Variants in MICAL3 observed in about 807,000 individuals in gnomAD.
MICAL3 encodes microtubule associated monooxygenase, calponin and LIM domain containing 3.
In MICAL3, 62 loss-of-function variants were observed where a neutral mutation model predicts 207.4. The ratio of observed to expected loss-of-function variants is 0.30; its 90% CI spans 0.24 to 0.37. The LOEUF (loss-of-function observed/expected upper bound fraction) is 0.37. Ranked by LOEUF, MICAL3 falls within the 10% of genes least tolerant of loss-of-function variation. MICAL3 has a pLI of 1.00. For missense variants in MICAL3, 2,368 were observed against 2,635.6 expected, an observed-to-expected ratio of 0.90 and a Z score of 2.22; for synonymous variants, 1,077 against 1,069.3, an observed-to-expected ratio of 1.01 and a Z score of -0.14.
intron 29 of MICAL3, among the ~76,000 whole-genome samples, chr22:17,804,034 A>G (rs1459462358): frequency 6.6e-6 from 1 of 152,220 alleles, no homozygotes; most frequent in Non-Finnish European, 1.5e-5. Flanking sequence ...AGTGCATCAC[A>G]TACTGCATGT....
chr22:17,790,435 C>T lies in MICAL3; in HGVS notation c.*297G>A. ...GTGGAAAAAAGGGGCACAGCCAGCA[C>T]ATCCTCAGGGAGCGCGCGGGGTGGT... On this transcript the variant is annotated 3_prime_UTR_variant, in exon 32 of 32. Coordinates refer to ENST00000441493, the MANE Select transcript of MICAL3 (RefSeq NM_015241.3). 2.6e-6 allele frequency: 1 copy of T among 385,252 alleles called. No homozygotes were observed. The highest frequency in any genetic ancestry group is 4.7e-6 in the Non-Finnish European group (1 of 212,370). 23.9% of individuals were successfully genotyped at this position (385,252 alleles called of 1,614,324 possible).
chr22:17,799,153 C>G (rs899893822), intron 29 of MICAL3, among the ~76,000 whole-genome samples: 1 of 152,128 alleles, frequency 6.6e-6, no homozygotes, highest in Admixed American at 6.5e-5. Context: ...GATGCCGAGA[C>G]AGGTGGATCA....
In MICAL3 at chr22:17,793,246, A is replaced by G. The variant is rs2061843344; in HGVS notation, c.5651-1945T>C. Among the ~76,000 whole-genome samples the G allele has an allele frequency of 6.6e-6, 1 of 152,150 alleles. No individual in the cohort carries two copies. The highest frequency in any genetic ancestry group is 1.5e-5 in the Non-Finnish European group (1 of 68,034). ...ATCACCACAACAGACTTCAAATCAG[A>G]CAAACTTAAAACACGCACACTCAGC... On this transcript the variant is annotated intron_variant, in intron 29 of 31. Coordinates refer to ENST00000441493, the MANE Select transcript of MICAL3 (RefSeq NM_015241.3). The surrounding 1 kb of genome is among the most constrained non-coding windows in gnomAD (Gnocchi z 4.1).
At chr22:18,011,480 G>A (rs1268127750) in intron 1 of MICAL3, among the ~76,000 whole-genome samples, 4 of 152,040 alleles carry the variant, frequency 2.6e-5, no homozygotes, top group East Asian at 1.9e-4. Flanking sequence ...CCCAGGAGGC[G>A]GAGGTTGCGG....
Position 17,817,588 on chromosome 22 carries a change from G to A in MICAL3, c.5073C>T (p.Gly1691=). Reference sequence around the variant, plus strand: ...ACCTCTTCTTGCTCTTCCCACTGGAGCCCTCGGATGAAGTGAAAGAGCCAT... The same window carrying A: ...ACCTCTTCTTGCTCTTCCCACTGGAACCCTCGGATGAAGTGAAAGAGCCAT... ...GPDGSFTSSE[G]SSGKSKKRSS... is the part of the protein sequence containing the mutation. Residue 1691 remains glycine (G), a synonymous_variant, in exon 26 of 32, where the codon GGC becomes GGT. Coordinates refer to ENST00000441493, the MANE Select transcript of MICAL3 (RefSeq NM_015241.3). The A allele has an allele frequency of 6.2e-7, 1 of 1,613,348 alleles. No individual in the cohort carries two copies. Among genetic ancestry groups the A allele is most frequent in the Non-Finnish European group, 8.5e-7 (1 of 1,179,834 alleles).
At chr22:17,959,109 G>A (rs1333510874) in intron 1 of MICAL3, among the ~76,000 whole-genome samples, 7 of 136,718 alleles carry the variant, frequency 5.1e-5, no homozygotes, top group African/African-American at 1.1e-4. Context: ...TCCGCCTCCC[G>A]GGTTCACGCC....
chr22:17,831,507 T>C (rs1351434087), intron 21 of MICAL3, among the ~76,000 whole-genome samples: 1 of 152,118 alleles, frequency 6.6e-6, no homozygotes, highest in Non-Finnish European at 1.5e-5. Flanking sequence ...TAAATTCCCT[T>C]TCCTTATTAA....
intron 21 of MICAL3, among the ~76,000 whole-genome samples, chr22:17,830,390 T>C (rs1922676360): frequency 6.6e-6 from 1 of 152,242 alleles, no homozygotes; most frequent in East Asian, 1.9e-4. Context: ...AGGTTTGGTC[T>C]TGACGTTAGC....
Position 17,896,313 on chromosome 22 carries a change from T to G in MICAL3, c.1255A>C (p.Met419Leu). 1 of 1,561,604 alleles carries G rather than the reference T, an allele frequency of 6.4e-7. No homozygotes were observed. The highest frequency in any genetic ancestry group is 8.7e-7 in the Non-Finnish European group (1 of 1,152,340). The change falls in exon 9 of 32, where the codon ATG becomes CTG. Residue 419 changes from methionine (M) to leucine (L), a missense_variant. Met to Leu is a conservative substitution (Grantham distance 15). Coordinates refer to ENST00000441493, the MANE Select transcript of MICAL3 (RefSeq NM_015241.3). ...TGIARGFLAA[M>L]DSAWMVRSWS... Reference sequence around the variant, plus strand: ...CTTCGGACCATCCAGGCAGAGTCCATAGCAGCTAGAAAGCCCCGGGCTATT... The same window carrying G: ...CTTCGGACCATCCAGGCAGAGTCCAGAGCAGCTAGAAAGCCCCGGGCTATT...
chr22:17,958,963 C>T (rs143368169), intron 1 of MICAL3, among the ~76,000 whole-genome samples: 7 of 150,088 alleles, frequency 4.7e-5, no homozygotes, highest in East Asian at 2.0e-4. Flanking sequence ...GCCTCGGCCT[C>T]GCAAAGTGCT....
Position 17,855,925 on chromosome 22 carries a change from T to C in MICAL3, c.2605+8974A>G, listed in dbSNP as rs73386305. ...AGAATGATGAAGGGCAGCTCCTGTG[T>C]CCTCTGCACAGCCTCTGCCCAACTC... On this transcript the variant is annotated intron_variant, in intron 19 of 31. Coordinates refer to ENST00000441493, the MANE Select transcript of MICAL3 (RefSeq NM_015241.3). 5.0e-3 allele frequency among the ~76,000 whole-genome samples: 761 copies of C among 152,358 alleles called. 6 individuals are homozygous for C. The highest frequency in any genetic ancestry group is 0.018 in the African/African-American group (732 of 41,596).
chr22:17,853,613 G>C (rs1925570327), intron 19 of MICAL3, among the ~76,000 whole-genome samples: 1 of 152,210 alleles, frequency 6.6e-6, no homozygotes, highest in Non-Finnish European at 1.5e-5. Flanking sequence ...CAGAGGAGCA[G>C]GTAGCATTTT....
chr22:17,833,245 G>A (rs1010542396), intron 20 of MICAL3, among the ~76,000 whole-genome samples: 1 of 152,350 alleles, frequency 6.6e-6, no homozygotes, highest in South Asian at 2.1e-4. Flanking sequence ...CTGCACAAAT[G>A]GAGATGTTTC....
intron 1 of MICAL3, among the ~76,000 whole-genome samples, chr22:17,968,244 C>CTA (rs1935241266): frequency 6.6e-6 from 1 of 152,056 alleles, no homozygotes; most frequent in Admixed American, 6.5e-5. Context: ...AATCAGATAG[C>CTA]GTGCCCAGTG....
chr22:17,826,401 C>T (rs1261040051), intron 22 of MICAL3: 3 of 946,016 alleles, frequency 3.2e-6, no homozygotes, highest in South Asian at 4.9e-5. Context: ...CCAGCAGAGC[C>T]GCCTAGAGAG....
intron 20 of MICAL3, among the ~76,000 whole-genome samples, chr22:17,836,662 T>C (rs1249552970): frequency 6.6e-6 from 1 of 151,542 alleles, no homozygotes; most frequent in Non-Finnish European, 1.5e-5. Flanking sequence ...TTTTTTTTTT[T>C]GAGATGGAGT....
chr22:18,013,088 G>A (rs917749776), intron 1 of MICAL3, among the ~76,000 whole-genome samples: 2 of 152,182 alleles, frequency 1.3e-5, no homozygotes, highest in Admixed American at 1.3e-4. Flanking sequence ...GAAGTTGAGT[G>A]TCAAGCAGGG....
At chr22:17,935,172 C>T (rs111825359) in intron 1 of MICAL3, among the ~76,000 whole-genome samples, 3,879 of 152,280 alleles carry the variant, frequency 0.025, 162 homozygotes, top group African/African-American at 0.082. Flanking sequence ...TATCTGACTT[C>T]AAACTATACT....
chr22:17,826,419 G>GGT, intron 22 of MICAL3: 3 of 979,578 alleles, frequency 3.1e-6, no homozygotes, highest in Non-Finnish European at 3.6e-6. Context: ...GAGAGGTTAC[G>GGT]GTGAGTGGGG....
Sources: allele counts gnomAD v4.1 joint callset (sites outside exome capture counted in the v4.1 genomes callset), GRCh38; gene constraint gnomAD v4.1.1; non-coding constraint Gnocchi (gnomAD v3.1); transcripts MANE v1.5; gene names NCBI Gene and HGNC (gene_info 2026-07-23, HGNC 2026-07-21).